The following KLHL29 variants were observed in gnomAD, a reference collection of about 807,000 sequenced individuals.
KLHL29 encodes kelch like family member 29, also known as kelch-like protein 29.
Under a neutral mutation model 80.4 loss-of-function variants are expected in KLHL29, and 21 were observed. The observed-to-expected ratio is 0.26, with a 90% CI of 0.19 to 0.38. The LOEUF is 0.38. Ranked by LOEUF, KLHL29 falls within the 10% of genes least tolerant of loss-of-function variation. The probability of loss-of-function intolerance (pLI) is 1.00; values close to 1 mark genes in which losing one functional copy is unlikely to be tolerated. For missense variants in KLHL29, 867 were observed against 1,223.9 expected (o/e 0.71, Z 4.35); for synonymous variants, 511 against 526.8 (o/e 0.97, Z 0.41).
At chr2:23,464,957 G>A (rs934319251) in intron 1 of KLHL29, among the ~76,000 whole-genome samples, 13 of 152,176 alleles carry the variant, frequency 8.5e-5, no homozygotes, top group African/African-American at 2.9e-4. Flanking sequence ...GATAATTTAT[G>A]TATAATTTTA....
intron 2 of KLHL29, among the ~76,000 whole-genome samples, chr2:23,544,888 T>C (rs1244831369): frequency 1.3e-5 from 2 of 152,162 alleles, no homozygotes; most frequent in African/African-American, 2.4e-5. Context: ...CACCAGGGCC[T>C]CATGGGTCTT....
intron 2 of KLHL29, among the ~76,000 whole-genome samples, chr2:23,504,967 G>T (rs1202756400): frequency 6.6e-6 from 1 of 152,164 alleles, no homozygotes; most frequent in African/African-American, 2.4e-5. Context: ...GAGCAGCTTT[G>T]ATCTGCCCAC....
chr2:23,641,781 C>T (rs949172798), intron 4 of KLHL29, among the ~76,000 whole-genome samples: 5 of 152,018 alleles, frequency 3.3e-5, no homozygotes, highest in Admixed American at 1.3e-4. Context: ...CTCAGGAGTT[C>T]GAGACCAGCC....
At chr2:23,410,359 A>G (rs1014563981) in intron 1 of KLHL29, among the ~76,000 whole-genome samples, 1 of 152,080 alleles carries the variant, frequency 6.6e-6, no homozygotes, top group African/African-American at 2.4e-5. Flanking sequence ...TGGGAAGTAA[A>G]GGAGAGGGAT....
chr2:23,507,521 A>G (rs1277627594), intron 2 of KLHL29, among the ~76,000 whole-genome samples: 1 of 152,184 alleles, frequency 6.6e-6, no homozygotes, highest in Non-Finnish European at 1.5e-5. Flanking sequence ...CGGGGATGTC[A>G]CAGCACCTGG....
intron 2 of KLHL29, among the ~76,000 whole-genome samples, chr2:23,555,025 C>A (rs918061079): frequency 6.6e-6 from 1 of 152,082 alleles, no homozygotes; most frequent in Non-Finnish European, 1.5e-5. Context: ...GACATGAGGG[C>A]ACTTGAGCCA....
Position 23,691,702 on chromosome 2 carries a change from C to G in KLHL29, c.1108C>G (p.Arg370Gly). ...CGTGCAAGACAGCGGCCAGGGCGGC[C>G]GGGAGAAGCTGGAGCTCGTCCTGTC... Reference protein sequence around the residue: ...RSVQDSGQGGREKLELVLSNL... With the variant: ...RSVQDSGQGGGEKLELVLSNL... The change falls in exon 7 of 14, where the codon CGG (arginine) becomes GGG (glycine). Residue 370 changes from arginine (R) to glycine (G), a missense_variant. Transcript: ENST00000486442. 6.4e-7 allele frequency: 1 copy of G among 1,551,776 alleles called. No homozygotes were observed. Among genetic ancestry groups the G allele is most frequent in the Non-Finnish European group, 8.7e-7 (1 of 1,147,012 alleles).
chr2:23,588,425 C>T (rs939439802), intron 3 of KLHL29, among the ~76,000 whole-genome samples: 1 of 152,216 alleles, frequency 6.6e-6, no homozygotes, highest in African/African-American at 2.4e-5. Flanking sequence ...TCCCCTTGCC[C>T]GCCTGGGCCC....
Position 23,562,335 on chromosome 2 carries a change from C to G in KLHL29, c.139C>G (p.Leu47Val). 1 of 1,544,944 alleles carries G rather than the reference C, an allele frequency of 6.5e-7. No individual in the cohort carries two copies. Among genetic ancestry groups the G allele is most frequent in the South Asian group, 1.2e-5 (1 of 83,870 alleles). ...GGCCGGTGGCGGCACAGCCAGCAGCCTCAGCGTCCGGCCCGGCCTCCTGCC... is the reference window on the plus strand; with the variant it reads ...GGCCGGTGGCGGCACAGCCAGCAGCGTCAGCGTCCGGCCCGGCCTCCTGCC... Reference protein sequence around the residue: ...SGAGGGTASSLSVRPGLLPLP... With the variant: ...SGAGGGTASSVSVRPGLLPLP... Residue 47 changes from leucine to valine, a missense_variant, in exon 3 of 14, where the codon CTC becomes GTC. Physicochemically the swap from Leu to Val is conservative, Grantham distance 32. This residue lies in a region of KLHL29 where 424 missense variants were observed against 456.9 expected (regional missense o/e 0.93). Coordinates refer to ENST00000486442, the MANE Select transcript of KLHL29 (RefSeq NM_052920.2). The surrounding 1 kb of genome is among the most constrained non-coding windows in gnomAD (Gnocchi z 4.5).
chr2:23,389,788 C>T (rs558756564), intron 1 of KLHL29, among the ~76,000 whole-genome samples: 2 of 152,240 alleles, frequency 1.3e-5, no homozygotes, highest in East Asian at 1.9e-4. Context: ...CACATATCCA[C>T]GCAAATGTTT....
At chr2:23,554,634 G>C (rs907551129) in intron 2 of KLHL29, among the ~76,000 whole-genome samples, 1 of 152,220 alleles carries the variant, frequency 6.6e-6, no homozygotes, top group Non-Finnish European at 1.5e-5. Flanking sequence ...ACCGGACACA[G>C]ATGGCCTCCA....
At chr2:23,591,583 C>T (rs1353126793) in intron 3 of KLHL29, among the ~76,000 whole-genome samples, 1 of 151,824 alleles carries the variant, frequency 6.6e-6, no homozygotes, top group African/African-American at 2.4e-5. Flanking sequence ...CTAGGTCTGT[C>T]CATTCTGTTG....
At chr2:23,422,593 C>T (rs1221742557) in intron 1 of KLHL29, among the ~76,000 whole-genome samples, 1 of 146,608 alleles carries the variant, frequency 6.8e-6, no homozygotes, top group Non-Finnish European at 1.5e-5. Flanking sequence ...GTGTCTGTGT[C>T]TCTGTGTTGT....
At chr2:23,509,261 C>T (rs965306199) in intron 2 of KLHL29, among the ~76,000 whole-genome samples, 2 of 152,140 alleles carry the variant, frequency 1.3e-5, no homozygotes, top group African/African-American at 4.8e-5. Flanking sequence ...ACTCTCATCT[C>T]TTATGAGAAA....
chr2:23,581,072 A>G (rs1667967949), intron 3 of KLHL29, among the ~76,000 whole-genome samples: 1 of 148,292 alleles, frequency 6.7e-6, no homozygotes, highest in South Asian at 2.1e-4. Flanking sequence ...TGTCTTAAGA[A>G]TAAATTCCTG....
chr2:23,426,295 C>G (rs1663003001), intron 1 of KLHL29, among the ~76,000 whole-genome samples: 1 of 152,196 alleles, frequency 6.6e-6, no homozygotes. Flanking sequence ...CTGCCACAAC[C>G]CATCCTCAAA....
At chr2:23,586,807 A>G (rs1188880524) in intron 3 of KLHL29, among the ~76,000 whole-genome samples, 1 of 152,032 alleles carries the variant, frequency 6.6e-6, no homozygotes, top group African/African-American at 2.4e-5. Flanking sequence ...CCTCTCCCTT[A>G]GCACACGCCG....
chr2:23,443,821 A>AT (rs1347267574), intron 1 of KLHL29, among the ~76,000 whole-genome samples: 1 of 152,124 alleles, frequency 6.6e-6, no homozygotes, highest in African/African-American at 2.4e-5. Context: ...GTGAAGGTAG[A>AT]TTTTTTTCCT....
At chr2:23,552,081 C>G (rs916262517) in intron 2 of KLHL29, among the ~76,000 whole-genome samples, 1 of 152,254 alleles carries the variant, frequency 6.6e-6, no homozygotes, top group African/African-American at 2.4e-5. Context: ...GACCTCCCCT[C>G]TGAGCAAAGG....
Sources: gnomAD v4.1 joint callset for allele counts (sites outside exome capture counted in the v4.1 genomes callset) on GRCh38, gnomAD v4.1.1 for gene constraint, gnomAD v4.1.1 regional missense constraint, Gnocchi (gnomAD v3.1) non-coding constraint, MANE v1.5 for transcripts, NCBI Gene and HGNC (gene_info 2026-07-23, HGNC 2026-07-21) for gene names.